CFAP299: variants seen among roughly 807,000 people sequenced by gnomAD.
CFAP299 encodes the protein cilia and flagella associated protein 299.
In CFAP299, 21 loss-of-function variants were observed where a neutral mutation model predicts 27.0. That is an observed-to-expected ratio of 0.78 (90% CI 0.55 to 1.12). The LOEUF (loss-of-function observed/expected upper bound fraction) is 1.12. Ranked by LOEUF, CFAP299 falls within the 50% of genes most tolerant of loss-of-function variation. The pLI is 0.00. For synonymous variants in CFAP299, 104 were observed against 98.1 expected (o/e 1.06, Z -0.36); for missense variants, 310 against 276.6 (o/e 1.12, Z -0.86).
At chr4:80,719,667 G>A (rs925089277) in intron 3 of CFAP299, among the ~76,000 whole-genome samples, 12 of 152,048 alleles carry the variant, frequency 7.9e-5, no homozygotes, top group Non-Finnish European at 1.5e-4. Flanking sequence ...GCCATCACTC[G>A]GCTATGTGGT....
intron 2 of CFAP299, among the ~76,000 whole-genome samples, chr4:80,552,560 A>G (rs1250244763): frequency 6.6e-6 from 1 of 152,220 alleles, no homozygotes; most frequent in Non-Finnish European, 1.5e-5. Flanking sequence ...TGCATGGTTC[A>G]AAAAATTACA....
At chr4:80,855,967 C>T (rs1731853003) in intron 3 of CFAP299, among the ~76,000 whole-genome samples, 1 of 151,792 alleles carries the variant, frequency 6.6e-6, no homozygotes, top group African/African-American at 2.4e-5. Flanking sequence ...TTCTAGATCC[C>T]TGAGGAATTG....
intron 2 of CFAP299, chr4:80,387,842 T>A: frequency 7.2e-7 from 1 of 1,394,880 alleles, no homozygotes; most frequent in Non-Finnish European, 1.0e-6. Flanking sequence ...AGTCCCCTGG[T>A]ACCTTTAGCC....
At chr4:80,386,170 C>G in intron 2 of CFAP299, 1 of 685,074 alleles carries the variant, frequency 1.5e-6, no homozygotes, top group Non-Finnish European at 2.3e-6. Context: ...ACGAACACCC[C>G]GGGTCCGTCA....
chr4:80,540,578 C>T (rs1733952887), intron 2 of CFAP299, among the ~76,000 whole-genome samples: 1 of 152,100 alleles, frequency 6.6e-6, no homozygotes, highest in Admixed American at 6.5e-5. Flanking sequence ...GCCCCTTTAG[C>T]TAGAAACCAA....
At chr4:80,818,168 C>A (rs1021798248) in intron 3 of CFAP299, among the ~76,000 whole-genome samples, 1 of 152,146 alleles carries the variant, frequency 6.6e-6, no homozygotes, top group Non-Finnish European at 1.5e-5. Context: ...CATGTCCCTG[C>A]AAAGGACATG....
chr4:80,737,324 GA>G (rs942489696), intron 3 of CFAP299, among the ~76,000 whole-genome samples: 139 of 147,802 alleles, frequency 9.4e-4, no homozygotes, highest in South Asian at 3.2e-3. Context: ...AATAATAAAT[GA>G]AAAAAAAATA....
At chr4:80,637,496 A>G (rs1739509087) in intron 3 of CFAP299, among the ~76,000 whole-genome samples, 1 of 152,274 alleles carries the variant, frequency 6.6e-6, no homozygotes, top group Non-Finnish European at 1.5e-5. Context: ...TTTTCTGTAC[A>G]GGTAATAACA....
At position 80,676,097 on chromosome 4, in the gene CFAP299, C is replaced by T. The variant is rs116974292; in HGVS notation, c.333+92914C>T. On this transcript the variant is annotated intron_variant, in intron 3 of 5. Coordinates refer to ENST00000358105, the MANE Select transcript of CFAP299 (RefSeq NM_152770.3). ...ATGAACCATACCTCAGTTGGAAATG[C>T]AGAAATCACTGTCTTCTGCATCAAT... Among the ~76,000 whole-genome samples the T allele has an allele frequency of 3.7e-4, 56 of 152,310 alleles. No individual in the cohort carries two copies. The East Asian group carries it at 0.011, about 29-fold the overall frequency.
chr4:80,562,593 G>A (rs1280813579), intron 2 of CFAP299, among the ~76,000 whole-genome samples: 1 of 151,184 alleles, frequency 6.6e-6, no homozygotes, highest in Non-Finnish European at 1.5e-5. Flanking sequence ...GGGAGGTGGA[G>A]ATTGCAGTGA....
chr4:80,747,224 G>A (rs1724668331), intron 3 of CFAP299, among the ~76,000 whole-genome samples: 1 of 151,962 alleles, frequency 6.6e-6, no homozygotes, highest in Non-Finnish European at 1.5e-5. Flanking sequence ...CAGTGGCATA[G>A]TACTTTATTA....
Position 80,800,767 on chromosome 4 carries a change from G to A in CFAP299, c.334-69226G>A, listed in dbSNP as rs375648539. On this transcript the variant is annotated intron_variant, in intron 3 of 5. Transcript: ENST00000358105. ...AATCAGTGTGTGTGTGTGTGTGTGT[G>A]TATATATATATATGTATACATATAT... Among the ~76,000 whole-genome samples the A allele has an allele frequency of 2.3e-3, 145 of 63,822 alleles. 1 individual carries two copies. Among genetic ancestry groups the A allele is most frequent in the Middle Eastern group, 8.6e-3 (1 of 116 alleles). The allele number at this position is 63,822 out of a possible 152,430, so 41.9% of individuals were successfully genotyped here. A position where few individuals can be genotyped will look rare whatever the true frequency, so the allele number is the denominator to read the frequency against.
At chr4:80,676,710 T>C (rs1006170082) in intron 3 of CFAP299, among the ~76,000 whole-genome samples, 19 of 152,170 alleles carry the variant, frequency 1.2e-4, no homozygotes, top group Non-Finnish European at 1.5e-5. Context: ...AATTTACTCA[T>C]TTCTGCTAGG....
intron 3 of CFAP299, among the ~76,000 whole-genome samples, chr4:80,730,228 TTCTC>T (rs569112636): frequency 4.8e-4 from 65 of 134,216 alleles, no homozygotes; most frequent in Middle Eastern, 7.4e-3. Context: ...AGGTCTCTCT[TTCTC>T]TCTCTCTCTC....
chr4:80,842,145 A>G (rs1242713606), intron 3 of CFAP299, among the ~76,000 whole-genome samples: 1 of 152,130 alleles, frequency 6.6e-6, no homozygotes, highest in Non-Finnish European at 1.5e-5. Flanking sequence ...TATAAAAAGC[A>G]AATTACACAC....
At chr4:80,395,517 T>G (rs573192349) in intron 2 of CFAP299, among the ~76,000 whole-genome samples, 2 of 152,258 alleles carry the variant, frequency 1.3e-5, no homozygotes, top group East Asian at 3.9e-4. Flanking sequence ...ATGGATGTGA[T>G]GTAGCTGTAT....
intron 3 of CFAP299, among the ~76,000 whole-genome samples, chr4:80,642,492 G>A (rs979993834): frequency 9.9e-5 from 15 of 152,154 alleles, no homozygotes; most frequent in African/African-American, 2.7e-4. Flanking sequence ...TTGGCCAGGC[G>A]TGGTGGCTCA....
At chr4:80,841,888 G>C (rs1730879491) in intron 3 of CFAP299, among the ~76,000 whole-genome samples, 1 of 151,896 alleles carries the variant, frequency 6.6e-6, no homozygotes, top group Admixed American at 6.6e-5. Context: ...TTGTTTACTA[G>C]TATAAAAAAA....
chr4:80,786,057 A>C (rs1727229680), intron 3 of CFAP299, among the ~76,000 whole-genome samples: 1 of 152,168 alleles, frequency 6.6e-6, no homozygotes, highest in South Asian at 2.1e-4. Context: ...TTTTCTAGAA[A>C]TCTTGCAATT....
Sources: allele counts gnomAD v4.1 joint callset (sites outside exome capture counted in the v4.1 genomes callset), GRCh38; gene constraint gnomAD v4.1.1; transcripts MANE v1.5; gene names NCBI Gene and HGNC (gene_info 2026-07-23, HGNC 2026-07-21).